POC1B: variants seen among roughly 807,000 people sequenced by gnomAD.
The protein encoded by POC1B is POC1 centriolar protein homolog B.
POC1B carries 44 observed loss-of-function variants against 60.6 expected under a neutral mutation model. That is an observed-to-expected ratio of 0.73 (90% CI 0.57 to 0.93). The LOEUF is 0.93. Among genes scored for constraint, POC1B ranks in the 40% least tolerant of loss-of-function variants. POC1B has a pLI of 0.00. For synonymous variants in POC1B, 180 were observed against 198.9 expected, an observed-to-expected ratio of 0.90 and a Z score of 0.80; for missense variants, 555 against 572.3, an observed-to-expected ratio of 0.97 and a Z score of 0.31.
intron 2 of POC1B, among the ~76,000 whole-genome samples, chr12:89,503,110 T>TATCC (rs76839402): frequency 1.3e-5 from 2 of 151,620 alleles, no homozygotes; most frequent in Non-Finnish European, 2.9e-5. Flanking sequence ...TCCCTATCCC[T>TATCC]CTCTCCCCAC....
At chr12:89,479,397 T>C (rs1280468042) in intron 4 of POC1B, among the ~76,000 whole-genome samples, 1 of 152,180 alleles carries the variant, frequency 6.6e-6, no homozygotes, top group Non-Finnish European at 1.5e-5. Flanking sequence ...AGCTTTTTCA[T>C]GTGATGGCAA....
chr12:89,495,849 C>T (rs1305823290), intron 3 of POC1B, among the ~76,000 whole-genome samples: 1 of 152,070 alleles, frequency 6.6e-6, no homozygotes, highest in African/African-American at 2.4e-5. Context: ...GCAACCTCCA[C>T]CTCCCAGGTT....
intron 6 of POC1B, 52 bp downstream of exon 6, chr12:89,471,562 T>A: frequency 7.1e-7 from 1 of 1,401,938 alleles, no homozygotes; most frequent in Admixed American, 1.7e-5. Flanking sequence ...GAATCAGTCC[T>A]TCCAAAAGGA....
intron 2 of POC1B, chr12:89,524,172 G>A: frequency 6.2e-7 from 1 of 1,613,942 alleles, no homozygotes; most frequent in Admixed American, 1.7e-5. Context: ...TGAACTTCTG[G>A]GACTTACACT....
rs781525790 is a variant in POC1B at position 89,523,783 on chromosome 12, A to G, written c.100+1337T>C. The G allele has an allele frequency of 1.1e-5, 17 of 1,536,822 alleles. No homozygotes were observed. In the East Asian group the frequency reaches 1.6e-4, roughly 14 times the overall value. On this transcript the variant is annotated intron_variant, in intron 2 of 11. Coordinates refer to ENST00000313546, the MANE Select transcript of POC1B (RefSeq NM_172240.3). The stretch of plus-strand genomic sequence containing the variant: ...AAAAGTATTCCAATCAATTGTGTCT[A>G]TAACAGGACACACAACTGCTGTTTC...
At chr12:89,471,914 C>T (rs1237809684) in intron 5 of POC1B, among the ~76,000 whole-genome samples, 185 bp from the exon 6 acceptor site, 1 of 151,952 alleles carries the variant, frequency 6.6e-6, no homozygotes, top group South Asian at 2.1e-4. Flanking sequence ...ATTACAGGCA[C>T]ATATCACCAT....
intron 10 of POC1B, among the ~76,000 whole-genome samples, chr12:89,448,925 A>G (rs1364641629): frequency 1.3e-5 from 2 of 152,200 alleles, no homozygotes. Context: ...ACATTGGTTG[A>G]CTCAAGGGCC....
chr12:89,513,987 T>G (rs1238661657), intron 2 of POC1B, among the ~76,000 whole-genome samples: 2 of 152,196 alleles, frequency 1.3e-5, no homozygotes, highest in Non-Finnish European at 2.9e-5. Context: ...CAGGCTATTT[T>G]GTTTTCTCCC....
chr12:89,442,899 T>G (rs566355011), intron 10 of POC1B, among the ~76,000 whole-genome samples: 15 of 152,158 alleles, frequency 9.9e-5, no homozygotes, highest in African/African-American at 2.7e-4. Context: ...AATAAAGAGA[T>G]GGAGGAAGAT....
chr12:89,448,641 A>T (rs1881894540), intron 10 of POC1B, among the ~76,000 whole-genome samples: 1 of 152,264 alleles, frequency 6.6e-6, no homozygotes, highest in South Asian at 2.1e-4. Flanking sequence ...AGTTAAAGAC[A>T]TGACAGATCA....
chr12:89,520,148 G>A (rs536158941), intron 2 of POC1B: 1 of 152,068 alleles, frequency 6.6e-6, no homozygotes, highest in South Asian at 2.1e-4. Context: ...TAACTATACT[G>A]GATTATTGAT....
chr12:89,513,614 G>A (rs955109377), intron 2 of POC1B, among the ~76,000 whole-genome samples: 6 of 152,176 alleles, frequency 3.9e-5, no homozygotes, highest in Non-Finnish European at 7.3e-5. Flanking sequence ...TGGCCTAATG[G>A]AAAAGGGTAT....
At chr12:89,518,020 A>C (rs1870539645) in intron 2 of POC1B, among the ~76,000 whole-genome samples, 1 of 152,182 alleles carries the variant, frequency 6.6e-6, no homozygotes, top group Non-Finnish European at 1.5e-5. Context: ...AGATTGATAA[A>C]GCTTGGCACG....
chr12:89,511,161 G>A (rs534290254), intron 2 of POC1B, among the ~76,000 whole-genome samples: 2 of 151,942 alleles, frequency 1.3e-5, no homozygotes, highest in Non-Finnish European at 2.9e-5. Flanking sequence ...AGTGGCTCAC[G>A]CCTGTAAGCC....
chr12:89,496,997 T>G (rs1359195150), intron 3 of POC1B, 174 bp downstream of exon 3: 7 of 681,732 alleles, frequency 1.0e-5, no homozygotes, highest in Non-Finnish European at 1.7e-5. Flanking sequence ...AAAGAAGACA[T>G]AATTTTGAGG....
chr12:89,499,637 T>C (rs1869446064), intron 2 of POC1B, among the ~76,000 whole-genome samples: 1 of 152,136 alleles, frequency 6.6e-6, no homozygotes, highest in South Asian at 2.1e-4. Context: ...TTAATTGTGT[T>C]CTCAAAGGAG....
chr12:89,505,904 A>G (rs1239580783), intron 2 of POC1B, among the ~76,000 whole-genome samples: 1 of 152,184 alleles, frequency 6.6e-6, no homozygotes, highest in Admixed American at 6.5e-5. Flanking sequence ...CAAAATCAAG[A>G]TATACTGTAG....
chr12:89,503,397 G>A (rs926264207), intron 2 of POC1B, among the ~76,000 whole-genome samples: 1 of 152,236 alleles, frequency 6.6e-6, no homozygotes, highest in South Asian at 2.1e-4. Context: ...GATTGCAGAC[G>A]GAGTCTCATT....
chr12:89,522,785 C>G, intron 2 of POC1B: 1 of 1,536,044 alleles, frequency 6.5e-7, no homozygotes, highest in South Asian at 1.3e-5. Context: ...ACACTACTGT[C>G]AGCTCATGAC....
Sources: gnomAD v4.1 joint callset for allele counts (sites outside exome capture counted in the v4.1 genomes callset) on GRCh38, gnomAD v4.1.1 for gene constraint, MANE v1.5 for transcripts, NCBI Gene and HGNC (gene_info 2026-07-23, HGNC 2026-07-21) for gene names.